Variants in CTDSPL observed in about 807,000 individuals in gnomAD.
CTDSPL encodes the protein CTD small phosphatase-like protein.
CTDSPL carries 8 observed loss-of-function variants against 30.5 expected under a neutral mutation model. The observed-to-expected ratio is 0.26, with a 90% CI of 0.15 to 0.47. The LOEUF is 0.47. CTDSPL is among the 20% of genes least tolerant of loss of function. CTDSPL has a pLI of 0.99. For missense variants in CTDSPL, 248 were observed against 366.1 expected, an observed-to-expected ratio of 0.68 and a Z score of 2.63; for synonymous variants, 110 against 137.9, an observed-to-expected ratio of 0.80 and a Z score of 1.42.
chr3:37,924,661 TG>T (rs1698759891), intron 1 of CTDSPL, among the ~76,000 whole-genome samples: 1 of 152,220 alleles, frequency 6.6e-6, no homozygotes, highest in South Asian at 2.1e-4. Context: ...GCACGTGGTT[TG>T]GGGCATCCTG....
chr3:37,878,396 G>A (rs899786382), intron 1 of CTDSPL, among the ~76,000 whole-genome samples: 4 of 152,136 alleles, frequency 2.6e-5, no homozygotes, highest in Non-Finnish European at 4.4e-5. Flanking sequence ...ATTTGCATAC[G>A]TGGATGTCCA....
intron 1 of CTDSPL, among the ~76,000 whole-genome samples, chr3:37,905,589 T>TC (rs1384643545): frequency 2.6e-5 from 4 of 152,150 alleles, no homozygotes; most frequent in Non-Finnish European, 4.4e-5. Context: ...TAGGCTTCCT[T>TC]CCCCCCCTCC....
chr3:37,911,697 A>C (rs765414821), intron 1 of CTDSPL: 1 of 456,642 alleles, frequency 2.2e-6, no homozygotes, highest in South Asian at 1.5e-5. Flanking sequence ...AAGGGCAAGA[A>C]GACGAGTGGC....
intron 1 of CTDSPL, among the ~76,000 whole-genome samples, chr3:37,916,714 T>C (rs1437103689): frequency 6.6e-6 from 1 of 152,166 alleles, no homozygotes; most frequent in African/African-American, 2.4e-5. Context: ...ACAATAAATT[T>C]CTGTTGTTTT....
chr3:37,930,726 A>AT (rs1002388744), intron 1 of CTDSPL, among the ~76,000 whole-genome samples: 1 of 152,190 alleles, frequency 6.6e-6, no homozygotes, highest in African/African-American at 2.4e-5. Flanking sequence ...TGGATGGAAT[A>AT]TTCTGTGTCT....
intron 3 of CTDSPL, among the ~76,000 whole-genome samples, chr3:37,961,044 T>C (rs1699239677): frequency 6.6e-6 from 1 of 152,176 alleles, no homozygotes. Context: ...TTCTAGTATT[T>C]TAATAGTTTT....
intron 3 of CTDSPL, among the ~76,000 whole-genome samples, chr3:37,963,201 A>G (rs1250149331): frequency 6.6e-6 from 1 of 152,142 alleles, no homozygotes; most frequent in Non-Finnish European, 1.5e-5. Flanking sequence ...TGACGTTGGA[A>G]AGGAAGAAAC....
intron 2 of CTDSPL, among the ~76,000 whole-genome samples, chr3:37,953,247 A>G (rs1157039516): frequency 6.6e-6 from 1 of 152,228 alleles, no homozygotes; most frequent in Non-Finnish European, 1.5e-5. Flanking sequence ...CATACTGGAC[A>G]GTATAACCAT....
intron 1 of CTDSPL, among the ~76,000 whole-genome samples, chr3:37,919,912 G>A (rs1361118810): frequency 6.6e-6 from 1 of 152,156 alleles, no homozygotes; most frequent in African/African-American, 2.4e-5. Context: ...AGCCCAGAGA[G>A]CTAATTTTAA....
chr3:37,898,986 C>T (rs1202098271), intron 1 of CTDSPL, among the ~76,000 whole-genome samples: 1 of 152,006 alleles, frequency 6.6e-6, no homozygotes, highest in Non-Finnish European at 1.5e-5. Flanking sequence ...CAACAGGATC[C>T]CAGTGAGTGA....
intron 1 of CTDSPL, among the ~76,000 whole-genome samples, chr3:37,864,306 T>C (rs1206110485): frequency 1.3e-5 from 2 of 152,194 alleles, no homozygotes; most frequent in African/African-American, 4.8e-5. Context: ...CTAGGATTTT[T>C]AAAACAAAGA....
At chr3:37,953,626 T>A (rs1256829281) in intron 2 of CTDSPL, among the ~76,000 whole-genome samples, 1 of 152,170 alleles carries the variant, frequency 6.6e-6, no homozygotes. Flanking sequence ...GTGGCAATGT[T>A]AATATCAGAT....
chr3:37,982,644 G>A lies in CTDSPL; in HGVS notation c.*1777G>A, dbSNP rs1478480203. ...TGCTGTGTGAATATTCAGAAGGGAA[G>A]TAAGTATTCAGGGGGTAAACAGGTC... is the stretch of plus-strand genomic sequence containing the variant. On this transcript the variant is annotated 3_prime_UTR_variant, in exon 8 of 8. Coordinates refer to ENST00000273179, the MANE Select transcript of CTDSPL (RefSeq NM_001008392.2). 6 of 456,688 alleles carry A rather than the reference G, an allele frequency of 1.3e-5. No homozygotes were observed. The highest frequency in any genetic ancestry group is 9.3e-5 in the South Asian group (6 of 64,566). 28.3% of individuals were successfully genotyped at this position (456,688 alleles called of 1,614,324 possible).
At chr3:37,964,729 G>A in intron 4 of CTDSPL, 57 bp downstream of exon 4, 3 of 1,322,702 alleles carry the variant, frequency 2.3e-6, no homozygotes, top group East Asian at 4.6e-5. Flanking sequence ...CAATTGTATT[G>A]GAAAAGGGAA....
Position 37,975,149 on chromosome 3 carries a change from T to G in CTDSPL, c.520-560T>G, listed in dbSNP as rs78381699. On this transcript the variant is annotated intron_variant, in intron 6 of 7. Transcript: ENST00000273179. This position sits in a 1 kb window ranked among gnomAD's most constrained non-coding sequence, Gnocchi z 4.9. The stretch of plus-strand genomic sequence containing the variant: ...GAGAGAATGCATGCAGAGGGAACAC[T>G]GGTACAAAGGTCCTGACCATACTCA... Among the ~76,000 whole-genome samples the G allele has an allele frequency of 6.3e-3, 959 of 152,298 alleles. 8 individuals are homozygous for G. Among genetic ancestry groups the G allele is most frequent in the Non-Finnish European group, 7.5e-3 (509 of 68,022 alleles).
At chr3:37,960,499 AAAAAAAATATATATAT>A (rs1699226792) in intron 3 of CTDSPL, among the ~76,000 whole-genome samples, 2 of 64,854 alleles carry the variant, frequency 3.1e-5, no homozygotes, top group African/African-American at 1.4e-4. Context: ...AAAAAAAAAA[AAAAAAAATATATATAT>A]ATATATATAT....
At chr3:37,877,181 T>C (rs1344595619) in intron 1 of CTDSPL, among the ~76,000 whole-genome samples, 1 of 152,160 alleles carries the variant, frequency 6.6e-6, no homozygotes, top group East Asian at 1.9e-4. Context: ...ACATTCATAT[T>C]GCTGTGCAGC....
intron 1 of CTDSPL, among the ~76,000 whole-genome samples, chr3:37,936,990 C>T (rs568016037): frequency 7.5e-6 from 1 of 133,716 alleles, no homozygotes; most frequent in African/African-American, 2.5e-5. Context: ...ATTAGCAGTA[C>T]ATTTGGTGTG....
intron 3 of CTDSPL, among the ~76,000 whole-genome samples, chr3:37,960,034 T>C (rs528978717): frequency 1.3e-5 from 2 of 151,964 alleles, no homozygotes; most frequent in South Asian, 4.2e-4. Flanking sequence ...TGAAACCCCA[T>C]CTCTATAAAA....
Sources: gnomAD v4.1 joint callset for allele counts (sites outside exome capture counted in the v4.1 genomes callset) on GRCh38, gnomAD v4.1.1 for gene constraint, Gnocchi (gnomAD v3.1) non-coding constraint, MANE v1.5 for transcripts, NCBI Gene and HGNC (gene_info 2026-07-23, HGNC 2026-07-21) for gene names.